Variants in USP8 observed in about 807,000 individuals in gnomAD.
The protein encoded by USP8 is ubiquitin carboxyl-terminal hydrolase 8.
Under a neutral mutation model 130.0 loss-of-function variants are expected in USP8, and 27 were observed. The observed-to-expected ratio is 0.21, with a 90% CI of 0.15 to 0.29. USP8 has a LOEUF of 0.29. Ranked by LOEUF, USP8 falls within the 10% of genes least tolerant of loss-of-function variation. USP8 has a pLI of 1.00. For synonymous variants in USP8, 392 were observed against 444.1 expected (o/e 0.88, Z 1.48); for missense variants, 1,029 against 1,312.2 (o/e 0.78, Z 3.33).
At chr15:50,492,430 A>AATCT (rs2052209974) in intron 14 of USP8, among the ~76,000 whole-genome samples, 1 of 152,314 alleles carries the variant, frequency 6.6e-6, no homozygotes, top group East Asian at 1.9e-4. Context: ...GAAGTGAGAT[A>AATCT]ATCTATCTCA....
chr15:50,462,062 T>G (rs189946634), intron 5 of USP8, among the ~76,000 whole-genome samples: 1 of 151,958 alleles, frequency 6.6e-6, no homozygotes, highest in Non-Finnish European at 1.5e-5. Context: ...TTTGAGGAAA[T>G]GTTCTATGAT....
rs183257203 is a variant in USP8 at position 50,486,041 on chromosome 15, G to A, written c.1890+1680G>A. Among the ~76,000 whole-genome samples the A allele has an allele frequency of 1.5e-4, 23 of 152,086 alleles. No homozygotes were observed. In the East Asian group the frequency reaches 4.1e-3, roughly 27 times the overall value. ...TGGTTGAATTCACAGATGCAGAACC[G>A]ATGAATACAGAGGACTGACTCCATA... On this transcript the variant is annotated intron_variant, in intron 12 of 19. Coordinates refer to ENST00000307179, the MANE Select transcript of USP8 (RefSeq NM_005154.5).
Position 50,513,423 on chromosome 15 carries a change from G to A in USP8, c.*14335G>A, listed in dbSNP as rs1196315725. On this transcript the variant is annotated 3_prime_UTR_variant, in exon 20 of 20. Coordinates refer to ENST00000307179, the MANE Select transcript of USP8 (RefSeq NM_005154.5). ...AAATATTTAATGAAAAAGTATGCTT[G>A]GCGCGGTAGCTCACACCTGTAATCC... 1.3e-5 allele frequency: 2 copies of A among 151,524 alleles called. No individual in the cohort carries two copies. The highest frequency in any genetic ancestry group is 1.5e-5 in the Non-Finnish European group (1 of 67,968). The allele number at this position is 151,524 out of a possible 1,614,324, so 9.4% of individuals were successfully genotyped here. A position where few individuals can be genotyped will look rare whatever the true frequency, so the allele number is the denominator to read the frequency against.
chr15:50,440,759 T>G (rs187709284), intron 2 of USP8, among the ~76,000 whole-genome samples: 2 of 151,702 alleles, frequency 1.3e-5, no homozygotes, highest in Non-Finnish European at 2.9e-5. Flanking sequence ...TCCGAGCACT[T>G]TGGGAGGCTG....
chr15:50,484,270 T>C lies in USP8; in HGVS notation c.1804-5T>C, dbSNP rs2051874657. The C allele has an allele frequency of 6.2e-7, 1 of 1,603,042 alleles. No individual in the cohort carries two copies. The highest frequency in any genetic ancestry group is 1.1e-5 in the South Asian group (1 of 89,366). ...TTCACTTCTGTAATTTTAATAATTT[T>C]ACAGCCATTTAAGATTAAAGGACAA... is the stretch of plus-strand genomic sequence containing the variant. On this transcript the variant is annotated splice_region_variant and splice_polypyrimidine_tract_variant and intron_variant, in intron 11 of 19. Transcript: ENST00000307179.
rs148088065 is a variant in USP8 at position 50,424,720 on chromosome 15, C to T, written c.-66+206C>T. On this transcript the variant is annotated intron_variant, in intron 1 of 19. Coordinates refer to ENST00000307179, the MANE Select transcript of USP8 (RefSeq NM_005154.5). ...CTTTTACGCCATCTACCTAGGATTG[C>T]CAAGCGAGTTTCGTGTGTTTTTTTG... The T allele has an allele frequency of 2.6e-3, 987 of 386,440 alleles. 23 individuals carry two copies. The East Asian group carries it at 0.033, about 13-fold the overall frequency. 23.9% of individuals were successfully genotyped at this position (386,440 alleles called of 1,614,324 possible). A position where few individuals can be genotyped will look rare whatever the true frequency, so the allele number is the denominator to read the frequency against.
rs1448725964 is a variant in USP8, at chr15:50,513,037, A to G, written c.*13949A>G. ...ATAACCCAGTTTGTAAAAAATGTGC[A>G]AAAGACAAATATTTCATACAATAGG... On this transcript the variant is annotated 3_prime_UTR_variant, in exon 20 of 20. Coordinates refer to ENST00000307179, the MANE Select transcript of USP8 (RefSeq NM_005154.5). The G allele has an allele frequency of 6.6e-6, 1 of 152,246 alleles. No individual in the cohort carries two copies. The highest frequency in any genetic ancestry group is 1.5e-5 in the Non-Finnish European group (1 of 68,048). The allele number at this position is 152,246 out of a possible 1,614,324, so 9.4% of individuals were successfully genotyped here. A position where few individuals can be genotyped will look rare whatever the true frequency, so the allele number is the denominator to read the frequency against.
rs1286194782 is a variant in USP8, at chr15:50,459,981, T to TCCC, written c.498+822_498+824dup. Among the ~76,000 whole-genome samples the TCCC allele has an allele frequency of 4.3e-3, 280 of 65,148 alleles. 1 individual carries two copies. The highest frequency in any genetic ancestry group is 0.01 in the African/African-American group (162 of 15,820). 42.7% of individuals were successfully genotyped at this position (65,148 alleles called of 152,430 possible). A position where few individuals can be genotyped will look rare whatever the true frequency, so the allele number is the denominator to read the frequency against. ...TTTCTCCTTCTTTTTCTCCCCCAGT[T>TCCC]CCCCCACCCCCCCCCTTTTTTTTTT... On this transcript the variant is annotated intron_variant, in intron 5 of 19. Transcript: ENST00000307179.
chr15:50,476,388 C>T (rs536162633), intron 8 of USP8, among the ~76,000 whole-genome samples: 1 of 152,316 alleles, frequency 6.6e-6, no homozygotes, highest in South Asian at 2.1e-4. Flanking sequence ...CGTGATTATG[C>T]CGTTGCATTC....
chr15:50,486,438 T>C (rs1317690087), intron 12 of USP8, among the ~76,000 whole-genome samples: 2 of 151,846 alleles, frequency 1.3e-5, no homozygotes, highest in Admixed American at 1.3e-4. Context: ...CAGTGAGCCA[T>C]GATCATGCTA....
intron 10 of USP8, among the ~76,000 whole-genome samples, chr15:50,480,152 TTTTC>T (rs2051713515): frequency 6.6e-6 from 1 of 152,222 alleles, no homozygotes; most frequent in Non-Finnish European, 1.5e-5. Flanking sequence ...AAGTTTTTAT[TTTTC>T]TTTCAGTACA....
intron 8 of USP8, among the ~76,000 whole-genome samples, chr15:50,474,485 T>C (rs1377121352): frequency 6.6e-6 from 1 of 152,190 alleles, no homozygotes; most frequent in Non-Finnish European, 1.5e-5. Flanking sequence ...GGGACAATTA[T>C]ATGAAACTGC....
chr15:50,437,179 A>G (rs1040569222), intron 1 of USP8, among the ~76,000 whole-genome samples: 1 of 152,072 alleles, frequency 6.6e-6, no homozygotes, highest in South Asian at 2.1e-4. Context: ...TACATTTCAT[A>G]TATTCTTTTA....
At chr15:50,462,662 C>T (rs11631398) in intron 6 of USP8, among the ~76,000 whole-genome samples, 20,802 of 152,044 alleles carry the variant, frequency 0.14, 1,947 homozygotes, top group Middle Eastern at 0.28. Context: ...GTCAAACTGC[C>T]GGAGTTTGAA....
rs1555392675 is a variant in USP8 at position 50,495,482 on chromosome 15, T to TGG, written c.2659-366_2659-365insGG. ...TAGCTTTTTCTTTTTTTAGTAGAGA[T>TGG]TGGAGGGGGGGGTCTCACTATGTTG... On this transcript the variant is annotated intron_variant, in intron 16 of 19. Transcript: ENST00000307179. 2.0e-3 allele frequency among the ~76,000 whole-genome samples: 211 copies of TGG among 104,866 alleles called. 2 individuals carry two copies. Among genetic ancestry groups the TGG allele is most frequent in the African/African-American group, 4.9e-3 (153 of 31,460 alleles). 68.8% of individuals were successfully genotyped at this position (104,866 alleles called of 152,430 possible).
intron 16 of USP8, among the ~76,000 whole-genome samples, 172 bp downstream of exon 16, chr15:50,494,452 A>G (rs975977392): frequency 6.6e-6 from 1 of 152,254 alleles, no homozygotes; most frequent in Non-Finnish European, 1.5e-5. Context: ...TTTGAAGCAT[A>G]TACAGTTGGT....
chr15:50,488,515 C>CTAGG (rs2052039371), intron 12 of USP8, among the ~76,000 whole-genome samples: 1 of 146,020 alleles, frequency 6.8e-6, no homozygotes, highest in Non-Finnish European at 1.5e-5. Flanking sequence ...TCCTGAGTAG[C>CTAGG]TAGGACCACA....
At chr15:50,446,100 C>T (rs2050433405) in intron 3 of USP8, among the ~76,000 whole-genome samples, 3 of 151,986 alleles carry the variant, frequency 2.0e-5, no homozygotes, top group African/African-American at 7.2e-5. Context: ...CATTGGTAAA[C>T]CTATTTTTGT....
chr15:50,441,319 T>C (rs1451490032), intron 2 of USP8, 30 bp from the exon 3 acceptor site: 1 of 1,560,388 alleles, frequency 6.4e-7, no homozygotes. Flanking sequence ...TGTCAATTGC[T>C]TTAATTATTA....
Sources: allele counts gnomAD v4.1 joint callset (sites outside exome capture counted in the v4.1 genomes callset), GRCh38; gene constraint gnomAD v4.1.1; transcripts MANE v1.5; gene names NCBI Gene and HGNC (gene_info 2026-07-23, HGNC 2026-07-21).